PRSS33: variants seen among roughly 807,000 people sequenced by gnomAD.
PRSS33 encodes the protein protease, serine 33.
Under a neutral mutation model 26.7 loss-of-function variants are expected in PRSS33, and 32 were observed. The observed-to-expected ratio is 1.20, with a 90% confidence interval of 0.90 to 1.61. PRSS33 has a LOEUF of 1.61. Among genes scored for constraint, PRSS33 ranks in the 40% most tolerant of loss-of-function variants. The pLI is 0.00. For synonymous variants in PRSS33, 192 were observed against 177.6 expected, an observed-to-expected ratio of 1.08 and a Z score of -0.64; for missense variants, 450 against 396.3, an observed-to-expected ratio of 1.14 and a Z score of -1.15.
Position 2,787,517 on chromosome 16 carries a change from C to T in PRSS33, c.-58+16G>A, listed in dbSNP as rs2068892272. On this transcript the variant is annotated intron_variant, in intron 1 of 6. Transcript: ENST00000682474. ...GGCTGCCCCTGCAGCCCCCACAGCCCCTGGCTTGCTCTCACCCTCACAGCC... is the reference window on the plus strand; with the variant it reads ...GGCTGCCCCTGCAGCCCCCACAGCCTCTGGCTTGCTCTCACCCTCACAGCC... Among the ~76,000 whole-genome samples the T allele has an allele frequency of 6.8e-6, 1 of 147,324 alleles. No individual in the cohort carries two copies. The highest frequency in any genetic ancestry group is 2.2e-4 in the South Asian group (1 of 4,520).
chr16:2,785,205 C>T, intron 5 of PRSS33, 34 bp from the exon 6 acceptor site: 1 of 1,514,098 alleles, frequency 6.6e-7, no homozygotes, highest in Non-Finnish European at 8.8e-7. Context: ...GAGAGGAAGG[C>T]GTGGAGCGGG....
chr16:2,786,889 C>A, intron 1 of PRSS33: 1 of 167,358 alleles, frequency 6.0e-6, no homozygotes, highest in African/African-American at 3.1e-5. Flanking sequence ...CATCCTCACC[C>A]CCTCCCTCAT....
chr16:2,786,323 C>G (rs1044381683), intron 2 of PRSS33, among the ~76,000 whole-genome samples, 179 bp downstream of exon 2: 2 of 152,238 alleles, frequency 1.3e-5, no homozygotes, highest in South Asian at 2.1e-4. Flanking sequence ...AGCATGACAC[C>G]GACAAGCACA....
rs775241646 is a variant in PRSS33 at position 2,785,145 on chromosome 16, G to C, written c.541C>G (p.Gln181Glu). 15 of 1,541,904 alleles carry C rather than the reference G, an allele frequency of 9.7e-6. No individual in the cohort carries two copies. The highest frequency in any genetic ancestry group is 1.4e-5 in the African/African-American group (1 of 73,148). Reference sequence around the variant, plus strand: ...TCCAGCAGCGGCACCCTTACTCCTTGTAGCGGTCGCCACTCTGGGAGGGGC... The same window carrying C: ...TCCAGCAGCGGCACCCTTACTCCTTCTAGCGGTCGCCACTCTGGGAGGGGC... ...GVPLPEWRPL[Q>E]GVRVPLLDSR... The change falls in exon 6 of 7, where the codon CAA (glutamine) becomes GAA (glutamate). Residue 181 changes from glutamine (Q) to glutamate (E), a missense_variant. Coordinates refer to ENST00000682474, the MANE Select transcript of PRSS33 (RefSeq NM_152891.3).
Position 2,786,555 on chromosome 16 carries a change from T to C in PRSS33, c.-8A>G. On this transcript the variant is annotated 5_prime_UTR_variant, in exon 2 of 7. Transcript: ENST00000682474. ...ACAGGAAACCCCTCTCATTCTGTCT[T>C]CAAGGCTGGGCTGGGTAAGGGTGGC... 6.2e-7 allele frequency: 1 copy of C among 1,613,130 alleles called. No homozygotes were observed. The highest frequency in any genetic ancestry group is 1.1e-5 in the South Asian group (1 of 91,054).
chr16:2,785,542 G>T lies in PRSS33; in HGVS notation c.347C>A (p.Pro116Gln), dbSNP rs1046087956. Residue 116 changes from proline (P) to glutamine (Q), a missense_variant, in exon 5 of 7, where the codon CCG becomes CAG. Pro to Gln is a moderately conservative substitution (Grantham distance 76, BLOSUM62 -1). Coordinates refer to ENST00000682474, the MANE Select transcript of PRSS33 (RefSeq NM_152891.3). ...SVPVRRVLLP[P>Q]DYSEDGARGD... ...GCGGGCCCCGTCCTCGGAGTAGTCC[G>T]GGGGCAGCAGCACCCGTCGCACGGG... The T allele has an allele frequency of 2.0e-6, 3 of 1,527,062 alleles. No individual in the cohort carries two copies. The highest frequency in any genetic ancestry group is 2.6e-6 in the Non-Finnish European group (3 of 1,144,168). The allele number at this position is 1,527,062 out of a possible 1,614,324, so 94.6% of individuals were successfully genotyped here. A position where few individuals can be genotyped will look rare whatever the true frequency, so the allele number is the denominator to read the frequency against.
chr16:2,787,472 C>T (rs926365489), intron 1 of PRSS33, among the ~76,000 whole-genome samples, 61 bp downstream of exon 1: 1 of 141,466 alleles, frequency 7.1e-6, no homozygotes, highest in Non-Finnish European at 1.5e-5. Context: ...TCCTCGTCCT[C>T]ACCCTCATCC....
In PRSS33 at chr16:2,784,379, A is replaced by C; in HGVS notation, c.*265T>G. The stretch of plus-strand genomic sequence containing the variant: ...AGCCCTGGCCAGGGCCAAGAAAAGT[A>C]AATACAAGCCAGGAAGGGAGTGGGG... On this transcript the variant is annotated 3_prime_UTR_variant, in exon 7 of 7. Transcript: ENST00000682474. 1 of 337,662 alleles carries C rather than the reference A, an allele frequency of 3.0e-6. No homozygotes were observed. Among genetic ancestry groups the C allele is most frequent in the Non-Finnish European group, 5.5e-6 (1 of 181,748 alleles). 20.9% of individuals were successfully genotyped at this position (337,662 alleles called of 1,614,324 possible). A position where few individuals can be genotyped will look rare whatever the true frequency, so the allele number is the denominator to read the frequency against.
In PRSS33 at chr16:2,784,534, G is replaced by A. The variant is rs1280053458; in HGVS notation, c.*110C>T. ...GTGGGGTGGCCTTTAGCTTTTTTAG[G>A]CATCTTGGCCTCGAGGCAGAAGGGA... On this transcript the variant is annotated 3_prime_UTR_variant, in exon 7 of 7. Coordinates refer to ENST00000682474, the MANE Select transcript of PRSS33 (RefSeq NM_152891.3). 2 of 1,116,878 alleles carry A rather than the reference G, an allele frequency of 1.8e-6. No individual in the cohort carries two copies. Among genetic ancestry groups the A allele is most frequent in the Non-Finnish European group, 2.5e-6 (2 of 802,106 alleles). 69.2% of individuals were successfully genotyped at this position (1,116,878 alleles called of 1,614,324 possible).
At position 2,785,119 on chromosome 16, in the gene PRSS33, G is replaced by A. The variant is rs756639459; in HGVS notation, c.567C>T (p.Asp189=). 1.2e-5 allele frequency: 18 copies of A among 1,546,580 alleles called. No individual in the cohort carries two copies. Among genetic ancestry groups the A allele is most frequent in the Non-Finnish European group, 1.6e-5 (18 of 1,148,434 alleles). ...PLQGVRVPLL[D]SRTCDGLYHV... is the part of the protein sequence containing the mutation. ...GGTAGAGGCCGTCGCAGGTGCGCGAGTCCAGCAGCGGCACCCTTACTCCTT... is the reference window on the plus strand; with the variant it reads ...GGTAGAGGCCGTCGCAGGTGCGCGAATCCAGCAGCGGCACCCTTACTCCTT... Residue 189 remains aspartate, a synonymous_variant, in exon 6 of 7, where the codon GAC becomes GAT. Coordinates refer to ENST00000682474, the MANE Select transcript of PRSS33 (RefSeq NM_152891.3).
chr16:2,785,910 C>T lies in PRSS33; in HGVS notation c.131G>A (p.Arg44Gln), dbSNP rs373423015. Reference sequence around the variant, plus strand: ...CGCCTGCCACGGCCACTCTCCGTCCCGGCCATCCCGGCCCCCAACGATCCG... The same window carrying T: ...CGCCTGCCACGGCCACTCTCCGTCCTGGCCATCCCGGCCCCCAACGATCCG... ...SSRIVGGRDG[R>Q]DGEWPWQASI... Residue 44 changes from arginine to glutamine, a missense_variant, in exon 4 of 7, where the codon CGG becomes CAG. By Grantham distance (43) the Arg-to-Gln change is conservative. Coordinates refer to ENST00000682474, the MANE Select transcript of PRSS33 (RefSeq NM_152891.3). The T allele has an allele frequency of 2.2e-5, 35 of 1,611,596 alleles. No individual in the cohort carries two copies. The East Asian group carries it at 2.2e-4, about 10-fold the overall frequency.
rs780723444 is a variant in PRSS33 at position 2,785,773 on chromosome 16, C to T, written c.242+26G>A. On this transcript the variant is annotated intron_variant, in intron 4 of 6. Coordinates refer to ENST00000682474, the MANE Select transcript of PRSS33 (RefSeq NM_152891.3). ...CGGGCCTTGCCTTCCTTGCACACCCCGCCTGGGCCCTCGGTGAGCGCTGAC... is the reference window on the plus strand; with the variant it reads ...CGGGCCTTGCCTTCCTTGCACACCCTGCCTGGGCCCTCGGTGAGCGCTGAC... The T allele has an allele frequency of 1.1e-5, 17 of 1,563,402 alleles. No individual in the cohort carries two copies. In the South Asian group the frequency reaches 2.0e-4, roughly 18 times the overall value.
At chr16:2,786,027 G>C in intron 3 of PRSS33, 62 bp downstream of exon 3, 4 of 1,611,694 alleles carry the variant, frequency 2.5e-6, no homozygotes, top group Non-Finnish European at 3.4e-6. Context: ...AGGTGTTGGT[G>C]GGGAGACACG....
rs1177780406 is a variant in PRSS33, at chr16:2,785,160, C to G, written c.526G>C (p.Glu176Gln). The change falls in exon 6 of 7, where the codon GAG (glutamate) becomes CAG (glutamine). Residue 176 changes from glutamate to glutamine, a missense_variant. Glu to Gln is a conservative substitution (Grantham distance 29). Coordinates refer to ENST00000682474, the MANE Select transcript of PRSS33 (RefSeq NM_152891.3). ...CTTACTCCTTGTAGCGGTCGCCACTCTGGGAGGGGCACTGGGGGAAGAGGA... is the reference window on the plus strand; with the variant it reads ...CTTACTCCTTGTAGCGGTCGCCACTGTGGGAGGGGCACTGGGGGAAGAGGA... ...GSLRPGVPLP[E>Q]WRPLQGVRVP... 2.6e-6 allele frequency: 4 copies of G among 1,538,812 alleles called. No individual in the cohort carries two copies. The highest frequency in any genetic ancestry group is 3.5e-6 in the Non-Finnish European group (4 of 1,145,820).
intron 1 of PRSS33, 68 bp from the exon 2 acceptor site, chr16:2,786,672 AC>A (rs1211225550): frequency 1.9e-6 from 2 of 1,065,166 alleles, no homozygotes; most frequent in East Asian, 2.6e-5. Flanking sequence ...CCAGCCCGTC[AC>A]CCCCTCCGTG....
At chr16:2,784,879 G>C in intron 6 of PRSS33, 77 bp from the exon 7 acceptor site, 3 of 1,527,172 alleles carry the variant, frequency 2.0e-6, no homozygotes, top group South Asian at 2.4e-5. Flanking sequence ...CTGGCGTGGT[G>C]CCTCTAGGTT....
intron 1 of PRSS33, 26 bp from the exon 2 acceptor site, chr16:2,786,630 A>T: frequency 1.3e-6 from 2 of 1,529,888 alleles, no homozygotes; most frequent in Non-Finnish European, 1.8e-6. Context: ...AGAAGAGAGG[A>T]GAGTCCTGGC....
Position 2,785,456 on chromosome 16 carries a change from C to A in PRSS33, c.433G>T (p.Val145Phe). The change falls in exon 5 of 7, where the codon GTC (valine) becomes TTC (phenylalanine). Residue 145 changes from valine (V) to phenylalanine (F), a missense_variant. Physicochemically the swap from Val to Phe is conservative, Grantham distance 50. Transcript: ENST00000682474. ...PVPLSARVQPVCLPVPGARPP... is the reference protein window; with the variant it reads ...PVPLSARVQPFCLPVPGARPP... ...CGGGCGCCGGGCACGGGCAGGCAGA[C>A]GGGTTGGACGCGAGCGCTCAGGGGC... The A allele has an allele frequency of 6.7e-7, 1 of 1,501,980 alleles. No homozygotes were observed. The highest frequency in any genetic ancestry group is 8.8e-7 in the Non-Finnish European group (1 of 1,134,832). The allele number at this position is 1,501,980 out of a possible 1,614,324, so 93.0% of individuals were successfully genotyped here.
chr16:2,786,009 TG>T, intron 3 of PRSS33, 48 bp from the exon 4 acceptor site: 1 of 1,612,730 alleles, frequency 6.2e-7, no homozygotes, highest in South Asian at 1.1e-5. Flanking sequence ...ACCTGGGGCC[TG>T]GGAGGCAGGT....
Sources: gnomAD v4.1 joint callset for allele counts (sites outside exome capture counted in the v4.1 genomes callset) on GRCh38, gnomAD v4.1.1 for gene constraint, MANE v1.5 for transcripts, NCBI Gene and HGNC (gene_info 2026-07-23, HGNC 2026-07-21) for gene names.